ZDHHC11: variants seen among roughly 807,000 people sequenced by gnomAD.
The protein encoded by ZDHHC11 is palmitoyltransferase ZDHHC11.
In ZDHHC11, 44 loss-of-function variants were observed where a neutral mutation model predicts 51.3. The observed-to-expected ratio is 0.86, with a 90% CI of 0.67 to 1.10. The LOEUF is 1.10. Among genes scored for constraint, ZDHHC11 ranks in the 50% least tolerant of loss-of-function variants. The pLI is 0.00. For synonymous variants in ZDHHC11, 163 were observed against 222.0 expected, an observed-to-expected ratio of 0.73 and a Z score of 2.36; for missense variants, 400 against 537.7, an observed-to-expected ratio of 0.74 and a Z score of 2.53.
At chr5:844,337 T>C (rs1361709959) in intron 3 of ZDHHC11, among the ~76,000 whole-genome samples, 3 of 152,294 alleles carry the variant, frequency 2.0e-5, no homozygotes, top group African/African-American at 7.2e-5. Context: ...AAGGAGGTTG[T>C]GAGGAGGGGG....
upstream of ZDHHC11, among the ~76,000 whole-genome samples, chr5:851,794 G>A (rs1018998952): frequency 6.6e-6 from 1 of 152,172 alleles, no homozygotes; most frequent in African/African-American, 2.4e-5. Flanking sequence ...GGGGGCTCAC[G>A]CCTGTAATCC....
intron 7 of ZDHHC11, among the ~76,000 whole-genome samples, chr5:828,728 T>C (rs1742676414): frequency 6.6e-6 from 1 of 150,438 alleles, no homozygotes; most frequent in Non-Finnish European, 1.5e-5. Context: ...TGGAAAATTC[T>C]CCAAGATACA....
chr5:837,271 G>C, intron 6 of ZDHHC11, 94 bp downstream of exon 6: 4 of 1,425,510 alleles, frequency 2.8e-6, no homozygotes, highest in Non-Finnish European at 3.9e-6. Context: ...CATCGGCCCT[G>C]AAGTAAAGGA....
At chr5:836,516 A>C (rs1743877932) in intron 6 of ZDHHC11, among the ~76,000 whole-genome samples, 1 of 149,888 alleles carries the variant, frequency 6.7e-6, no homozygotes, top group Non-Finnish European at 1.5e-5. Flanking sequence ...ATGAGTTGGG[A>C]AGTGTTGCTT....
upstream of ZDHHC11, among the ~76,000 whole-genome samples, chr5:854,072 C>T (rs1368300135): frequency 3.0e-5 from 4 of 131,360 alleles, no homozygotes; most frequent in Non-Finnish European, 4.9e-5. Flanking sequence ...CAGACCCCAC[C>T]GAGGACAGCG....
chr5:850,792 C>A lies in ZDHHC11; in HGVS notation c.-190G>T, dbSNP rs1309861854. ...GGGCTGGGCTGGAGTCGGTGCAGGG[C>A]CCCGCCCAGGGGAATGAACAGACAT... is the stretch of plus-strand genomic sequence containing the variant. On this transcript the variant is annotated 5_prime_UTR_variant, in exon 1 of 13. Coordinates refer to ENST00000283441, the MANE Select transcript of ZDHHC11 (RefSeq NM_024786.3). 3 of 700,704 alleles carry A rather than the reference C, an allele frequency of 4.3e-6. No individual in the cohort carries two copies. Among genetic ancestry groups the A allele is most frequent in the Admixed American group, 5.8e-5 (2 of 34,256 alleles). The allele number at this position is 700,704 out of a possible 1,614,324, so 43.4% of individuals were successfully genotyped here. A position where few individuals can be genotyped will look rare whatever the true frequency, so the allele number is the denominator to read the frequency against.
chr5:824,758 A>G (rs1579644683), intron 8 of ZDHHC11, among the ~76,000 whole-genome samples: 2 of 125,096 alleles, frequency 1.6e-5, no homozygotes, highest in South Asian at 2.3e-4. Context: ...GTCTTTCCTA[A>G]GCATTTTATT....
At chr5:814,629 A>C in intron 11 of ZDHHC11, 132 bp downstream of exon 11, 2 of 1,016,474 alleles carry the variant, frequency 2.0e-6, no homozygotes, top group Non-Finnish European at 2.7e-6. Context: ...ATGTTCAGAG[A>C]AACATTTCTA....
rs547713267 is a variant in ZDHHC11, at chr5:825,329, C to T, written c.936-78G>A. 1.1e-4 allele frequency: 153 copies of T among 1,427,008 alleles called. No individual in the cohort carries two copies. In the African/African-American group the frequency reaches 1.5e-3, roughly 14 times the overall value. The allele number at this position is 1,427,008 out of a possible 1,614,324, so 88.4% of individuals were successfully genotyped here. ...CAGGGTGGCACTGGAGGCTGCACCG[C>T]GTCGTGTCAGCACCACTGCTGTGGG... On this transcript the variant is annotated intron_variant, in intron 7 of 12. Coordinates refer to ENST00000283441, the MANE Select transcript of ZDHHC11 (RefSeq NM_024786.3).
intron 1 of ZDHHC11, 145 bp downstream of exon 1, chr5:850,236 A>T: frequency 1.1e-6 from 1 of 932,340 alleles, no homozygotes; most frequent in Non-Finnish European, 1.6e-6. Context: ...CACTGGGCCC[A>T]CCTGCAGGCT....
rs767793662 is a variant in ZDHHC11 at position 840,226 on chromosome 5, C to T, written c.784+269G>A. The T allele has an allele frequency of 3.5e-5, 25 of 707,818 alleles. No individual in the cohort carries two copies. The Admixed American group carries it at 3.6e-4, about 10-fold the overall frequency. 43.8% of individuals were successfully genotyped at this position (707,818 alleles called of 1,614,324 possible). ...ACTTGTTACTTCAAGCACCTGGCAC[C>T]ACTCCTGCAGGTCTCGGCGTGAGTT... is the stretch of plus-strand genomic sequence containing the variant. On this transcript the variant is annotated intron_variant, in intron 5 of 12. Transcript: ENST00000283441.
chr5:814,669 C>A lies in ZDHHC11; in HGVS notation c.1181+92G>T, dbSNP rs557702766. Reference sequence around the variant, plus strand: ...CCCTTATGTCATCAGATTATTTGAACATGTTAAATAGAGAACATATTTTCC... The same window carrying A: ...CCCTTATGTCATCAGATTATTTGAAAATGTTAAATAGAGAACATATTTTCC... On this transcript the variant is annotated intron_variant, in intron 11 of 12. Coordinates refer to ENST00000283441, the MANE Select transcript of ZDHHC11 (RefSeq NM_024786.3). 199 of 1,298,156 alleles carry A rather than the reference C, an allele frequency of 1.5e-4. 4 individuals are homozygous for A. The highest frequency in any genetic ancestry group is 4.4e-4 in the Admixed American group (15 of 34,346). 80.4% of individuals were successfully genotyped at this position (1,298,156 alleles called of 1,614,324 possible).
At chr5:851,412 G>T (rs919458151), upstream of ZDHHC11, among the ~76,000 whole-genome samples, 7 of 152,140 alleles carry the variant, frequency 4.6e-5, no homozygotes, top group East Asian at 1.3e-3. Flanking sequence ...CTACGGGGTG[G>T]GGGGTTGATC....
At chr5:855,878 C>G (rs114562078), upstream of ZDHHC11, among the ~76,000 whole-genome samples, 805 of 150,108 alleles carry the variant, frequency 5.4e-3, 8 homozygotes, top group African/African-American at 0.019. Flanking sequence ...GGGCACAGAC[C>G]CCACAGAGGA....
At chr5:813,867 CTG>C (rs1447281722) in intron 11 of ZDHHC11, among the ~76,000 whole-genome samples, 1 of 141,852 alleles carries the variant, frequency 7.0e-6, no homozygotes, top group Admixed American at 6.9e-5. Context: ...GAGAGTGTGA[CTG>C]TGTGCGAGTG....
intron 11 of ZDHHC11, among the ~76,000 whole-genome samples, chr5:806,807 G>A (rs1579553024): frequency 6.6e-6 from 1 of 151,140 alleles, no homozygotes; most frequent in East Asian, 1.9e-4. Context: ...ACTGAAGAAG[G>A]CCACAATAAG....
intron 12 of ZDHHC11, among the ~76,000 whole-genome samples, chr5:797,648 TA>T (rs1242896982): frequency 6.6e-6 from 1 of 151,530 alleles, no homozygotes; most frequent in Non-Finnish European, 1.5e-5. Context: ...CTTTGTAATT[TA>T]AAAAATAGTT....
At chr5:852,745 G>C (rs1747432873), upstream of ZDHHC11, among the ~76,000 whole-genome samples, 1 of 148,528 alleles carries the variant, frequency 6.7e-6, no homozygotes, top group African/African-American at 2.5e-5. Flanking sequence ...GCAAACCGGG[G>C]GACAGACCCC....
chr5:837,919 G>A (rs549124576), intron 5 of ZDHHC11, among the ~76,000 whole-genome samples: 1 of 152,038 alleles, frequency 6.6e-6, no homozygotes, highest in East Asian at 1.9e-4. Context: ...ATGGCCTGTG[G>A]GGTTCCCCAC....
Sources: allele counts gnomAD v4.1 joint callset (sites outside exome capture counted in the v4.1 genomes callset), GRCh38; gene constraint gnomAD v4.1.1; transcripts MANE v1.5; gene names NCBI Gene and HGNC (gene_info 2026-07-23, HGNC 2026-07-21).